ATAD2B: variants seen among roughly 807,000 people sequenced by gnomAD.
The protein encoded by ATAD2B is ATPase family AAA domain-containing protein 2B.
ATAD2B carries 40 observed loss-of-function variants against 167.6 expected under a neutral mutation model. The ratio of observed to expected loss-of-function variants is 0.24; its 90% confidence interval spans 0.19 to 0.31. The LOEUF (loss-of-function observed/expected upper bound fraction) is 0.31, where lower values mean the gene tolerates loss of function less well. ATAD2B is among the 10% of genes least tolerant of loss of function. The pLI is 1.00. For synonymous variants in ATAD2B, 579 were observed against 596.5 expected, an observed-to-expected ratio of 0.97 and a Z score of 0.43; for missense variants, 1,242 against 1,757.2, an observed-to-expected ratio of 0.71 and a Z score of 5.24.
At chr2:23,889,445 G>T (rs1388763200) in intron 2 of ATAD2B, among the ~76,000 whole-genome samples, 2 of 152,048 alleles carry the variant, frequency 1.3e-5, no homozygotes. Flanking sequence ...TGGGATTACA[G>T]GCGTAAGCCA....
intron 2 of ATAD2B, among the ~76,000 whole-genome samples, chr2:23,889,564 T>C (rs773612704): frequency 5.3e-5 from 8 of 152,176 alleles, no homozygotes; most frequent in Non-Finnish European, 1.0e-4. Context: ...ATTATAAATA[T>C]ATTGTACATC....
intron 1 of ATAD2B, among the ~76,000 whole-genome samples, chr2:23,899,303 CAAAAAA>C (rs556774553): frequency 1.5e-5 from 1 of 67,388 alleles, no homozygotes; most frequent in Non-Finnish European, 2.8e-5. Context: ...GACCCCATCT[CAAAAAA>C]AAAAAAAAAA....
At chr2:23,888,218 ATGAC>A (rs1252102187) in intron 3 of ATAD2B, 128 bp downstream of exon 3, 1 of 738,032 alleles carries the variant, frequency 1.4e-6, no homozygotes. Flanking sequence ...TTTTTTTACT[ATGAC>A]TGAAATTCAG....
intron 1 of ATAD2B, 106 bp from the exon 2 acceptor site, chr2:23,896,076 G>T: frequency 1.2e-6 from 1 of 842,756 alleles, no homozygotes; most frequent in Non-Finnish European, 1.7e-6. Flanking sequence ...CAGCACTTTG[G>T]GTGGCCGAGG....
At chr2:23,739,112 C>G in the ATAD2B span, among the ~76,000 whole-genome samples, 1 of 152,164 alleles carries the variant, frequency 6.6e-6, no homozygotes, top group South Asian at 2.1e-4. Context: ...GAGACTTTAA[C>G]ACCCCACTGT....
chr2:23,802,184 A>C (rs1230258188), intron 18 of ATAD2B, among the ~76,000 whole-genome samples: 3 of 152,004 alleles, frequency 2.0e-5, no homozygotes, highest in Non-Finnish European at 4.4e-5. Context: ...TAAAAGAAAA[A>C]TGTTGGGAGC....
At chr2:23,780,912 C>G (rs549712091) in intron 22 of ATAD2B, among the ~76,000 whole-genome samples, 5 of 152,128 alleles carry the variant, frequency 3.3e-5, no homozygotes, top group African/African-American at 1.2e-4. Flanking sequence ...AAACAAAAAA[C>G]AAAACAAAGC....
the ATAD2B span, among the ~76,000 whole-genome samples, chr2:23,710,250 A>T: frequency 4.1e-5 from 6 of 147,322 alleles, no homozygotes; most frequent in Non-Finnish European, 9.2e-5. Flanking sequence ...TGATTCCAAC[A>T]GTTAAAGAGA....
chr2:23,831,549 T>C (rs191946332), intron 14 of ATAD2B, among the ~76,000 whole-genome samples: 2 of 152,254 alleles, frequency 1.3e-5, no homozygotes, highest in African/African-American at 2.4e-5. Context: ...TAGCAGACTA[T>C]TTCACAGCAC....
intron 17 of ATAD2B, among the ~76,000 whole-genome samples, chr2:23,818,391 G>C (rs990561631): frequency 2.2e-5 from 3 of 134,142 alleles, no homozygotes; most frequent in African/African-American, 8.3e-5. Flanking sequence ...AAAAAAATTG[G>C]CTTTCCCATA....
the ATAD2B span, among the ~76,000 whole-genome samples, chr2:23,683,570 C>T: frequency 6.6e-6 from 1 of 152,242 alleles, no homozygotes; most frequent in African/African-American, 2.4e-5. Flanking sequence ...AGGTCTGGAG[C>T]CCATGGGCCC....
chr2:23,767,517 T>C (rs1239027154), intron 22 of ATAD2B, among the ~76,000 whole-genome samples: 1 of 152,170 alleles, frequency 6.6e-6, no homozygotes, highest in Non-Finnish European at 1.5e-5. Flanking sequence ...TTTATAACAG[T>C]AGTCAGAACA....
the ATAD2B span, among the ~76,000 whole-genome samples, chr2:23,733,123 G>T: frequency 2.0e-5 from 3 of 152,164 alleles, no homozygotes; most frequent in Admixed American, 2.0e-4. Context: ...TTCTCTCAAT[G>T]TATGAACATG....
intron 13 of ATAD2B, among the ~76,000 whole-genome samples, chr2:23,851,259 C>T (rs1003794399): frequency 2.6e-5 from 4 of 152,170 alleles, no homozygotes; most frequent in Admixed American, 6.5e-5. Context: ...GATCCTCTCA[C>T]GTCAGCCTCC....
intron 3 of ATAD2B, 144 bp downstream of exon 3, chr2:23,888,206 A>G: frequency 1.4e-6 from 1 of 716,222 alleles, no homozygotes; most frequent in South Asian, 2.0e-5. Flanking sequence ...ACAATTACAT[A>G]CTTTTTTTAC....
At chr2:23,745,541 A>G (rs1674833299), downstream of ATAD2B, among the ~76,000 whole-genome samples, 2 of 152,154 alleles carry the variant, frequency 1.3e-5, no homozygotes, top group African/African-American at 2.4e-5. Context: ...TAAAAATTCA[A>G]TCTCTAAAGC....
the ATAD2B span, among the ~76,000 whole-genome samples, chr2:23,734,393 C>T: frequency 1.4e-4 from 21 of 152,194 alleles, no homozygotes; most frequent in East Asian, 4.1e-3. Context: ...CTCCTGACCT[C>T]AAGTGATCTG....
At chr2:23,731,443 G>A in the ATAD2B span, among the ~76,000 whole-genome samples, 2 of 152,232 alleles carry the variant, frequency 1.3e-5, no homozygotes, top group African/African-American at 4.8e-5. Context: ...ACAATAAGGA[G>A]GATAACCAGA....
chr2:23,924,711 T>C (rs1704464067), intron 1 of ATAD2B, among the ~76,000 whole-genome samples: 1 of 152,218 alleles, frequency 6.6e-6, no homozygotes, highest in South Asian at 2.1e-4. Context: ...CTTTAAAACA[T>C]TTTAAAAGGA....
Sources: allele counts gnomAD v4.1 joint callset (sites outside exome capture counted in the v4.1 genomes callset), GRCh38; gene constraint gnomAD v4.1.1; transcripts MANE v1.5; gene names NCBI Gene and HGNC (gene_info 2026-07-23, HGNC 2026-07-21).